Variants in KIAA1328 observed in about 807,000 individuals in gnomAD.
KIAA1328 encodes protein hinderin.
A neutral mutation model predicts 68.1 loss-of-function variants in KIAA1328; 52 were observed. The observed-to-expected ratio is 0.76, with a 90% CI of 0.61 to 0.96. The LOEUF is 0.96. Among genes scored for constraint, KIAA1328 ranks in the 40% least tolerant of loss-of-function variants. The pLI, the probability that KIAA1328 is intolerant of heterozygous loss-of-function variation, is 0.00. For missense variants in KIAA1328, 641 were observed against 677.6 expected (o/e 0.95, Z 0.60); for synonymous variants, 232 against 239.4 (o/e 0.97, Z 0.28).
At chr18:36,911,373 A>G (rs2049441463) in intron 5 of KIAA1328, among the ~76,000 whole-genome samples, 1 of 152,176 alleles carries the variant, frequency 6.6e-6, no homozygotes, top group Non-Finnish European at 1.5e-5. Flanking sequence ...AAAAGGCATG[A>G]CATTCTTTAC....
intron 8 of KIAA1328, among the ~76,000 whole-genome samples, chr18:37,167,954 G>A (rs560528432): frequency 1.3e-5 from 2 of 152,096 alleles, no homozygotes; most frequent in East Asian, 3.9e-4. Flanking sequence ...TATGAGTATG[G>A]ATGAAAATAT....
chr18:37,039,700 C>T (rs1029826181), intron 6 of KIAA1328, among the ~76,000 whole-genome samples: 3 of 152,044 alleles, frequency 2.0e-5, no homozygotes, highest in Admixed American at 6.6e-5. Flanking sequence ...CATCAGCCAC[C>T]ACACCCTGCC....
At chr18:37,044,025 A>G (rs371220297) in intron 6 of KIAA1328, among the ~76,000 whole-genome samples, 1 of 152,226 alleles carries the variant, frequency 6.6e-6, no homozygotes, top group African/African-American at 2.4e-5. Context: ...GATATCTCAG[A>G]TGTCAAACAT....
intron 7 of KIAA1328, among the ~76,000 whole-genome samples, chr18:37,144,836 G>A (rs1216291412): frequency 1.3e-5 from 2 of 152,030 alleles, no homozygotes; most frequent in African/African-American, 4.8e-5. Flanking sequence ...AGCCAGTACT[G>A]CCTCTTTATC....
chr18:36,922,163 A>C (rs1477034968), intron 5 of KIAA1328, among the ~76,000 whole-genome samples: 1 of 152,136 alleles, frequency 6.6e-6, no homozygotes, highest in Non-Finnish European at 1.5e-5. Flanking sequence ...GCAGGATAGG[A>C]ATAGCATTTA....
At chr18:37,123,671 T>C (rs2058325386) in intron 7 of KIAA1328, among the ~76,000 whole-genome samples, 1 of 152,106 alleles carries the variant, frequency 6.6e-6, no homozygotes, top group Non-Finnish European at 1.5e-5. Context: ...TTTAAAGGAT[T>C]AATAACAAAC....
chr18:36,976,850 T>C (rs1252053025), intron 6 of KIAA1328, among the ~76,000 whole-genome samples: 1 of 152,108 alleles, frequency 6.6e-6, no homozygotes, highest in African/African-American at 2.4e-5. Context: ...TAATTTAGGA[T>C]TTGGAATTTA....
At chr18:37,175,576 T>C (rs998016211) in intron 9 of KIAA1328, among the ~76,000 whole-genome samples, 1 of 152,084 alleles carries the variant, frequency 6.6e-6, no homozygotes, top group Non-Finnish European at 1.5e-5. Context: ...TACAGGTCTC[T>C]TACACGAATT....
In KIAA1328 at chr18:37,224,335, G is replaced by A. The variant is rs933360596; in HGVS notation, c.*2108G>A. The A allele has an allele frequency of 6.1e-6, 6 of 985,204 alleles. No individual in the cohort carries two copies. Among genetic ancestry groups the A allele is most frequent in the African/African-American group, 1.7e-5 (1 of 57,174 alleles). The allele number at this position is 985,204 out of a possible 1,614,324, so 61.0% of individuals were successfully genotyped here. Reference sequence around the variant, plus strand: ...GAGTCTAAACTAAAGGCTTTTTGGGGGTCACAGCCACAGAGTGGAGTTTTA... The same window carrying A: ...GAGTCTAAACTAAAGGCTTTTTGGGAGTCACAGCCACAGAGTGGAGTTTTA... On this transcript the variant is annotated 3_prime_UTR_variant, in exon 10 of 10. Transcript: ENST00000280020.
chr18:37,046,436 C>T (rs1294933732), intron 6 of KIAA1328, among the ~76,000 whole-genome samples: 1 of 152,126 alleles, frequency 6.6e-6, no homozygotes, highest in Non-Finnish European at 1.5e-5. Flanking sequence ...GCCCTGAAAT[C>T]CAAATGTTGT....
chr18:36,844,333 T>C, intron 4 of KIAA1328, 31 bp downstream of exon 4: 2 of 1,414,474 alleles, frequency 1.4e-6, no homozygotes, highest in African/African-American at 1.5e-5. Context: ...AAATGATTTA[T>C]TATACAAAAG....
At chr18:36,916,441 GTTTTTC>G (rs973782943) in intron 5 of KIAA1328, among the ~76,000 whole-genome samples, 115 of 151,912 alleles carry the variant, frequency 7.6e-4, no homozygotes, top group African/African-American at 2.6e-3. Context: ...TATTTTTATA[GTTTTTC>G]TTTTTCTGTT....
intron 2 of KIAA1328, 76 bp downstream of exon 2, chr18:36,834,431 C>A: frequency 3.9e-6 from 5 of 1,292,254 alleles, no homozygotes; most frequent in East Asian, 2.6e-5. Flanking sequence ...GCTATTAGAA[C>A]AATGTTGCGG....
chr18:36,931,382 T>G (rs920593901), intron 5 of KIAA1328, among the ~76,000 whole-genome samples: 3 of 152,004 alleles, frequency 2.0e-5, no homozygotes, highest in Non-Finnish European at 4.4e-5. Flanking sequence ...TATTGTGAAC[T>G]GTACACGCGA....
chr18:37,117,363 AC>A (rs1301899553), intron 7 of KIAA1328, among the ~76,000 whole-genome samples: 2 of 152,176 alleles, frequency 1.3e-5, no homozygotes, highest in African/African-American at 4.8e-5. Context: ...GAAGCTAGAA[AC>A]CATCATTCTG....
chr18:37,187,763 G>T (rs1328776051), intron 9 of KIAA1328, among the ~76,000 whole-genome samples: 1 of 152,090 alleles, frequency 6.6e-6, no homozygotes, highest in Admixed American at 6.5e-5. Flanking sequence ...TAAGAGCCAA[G>T]ATGGAAGCCA....
At chr18:37,063,831 A>G (rs967611579) in intron 6 of KIAA1328, among the ~76,000 whole-genome samples, 3 of 152,122 alleles carry the variant, frequency 2.0e-5, no homozygotes, top group East Asian at 1.9e-4. Context: ...ACATATGTAA[A>G]TAATGTTATG....
chr18:36,879,461 C>T (rs1313074564), intron 4 of KIAA1328, among the ~76,000 whole-genome samples: 1 of 151,188 alleles, frequency 6.6e-6, no homozygotes, highest in African/African-American at 2.5e-5. Flanking sequence ...GTCTGTCAAC[C>T]TCTGCTGGGA....
intron 9 of KIAA1328, among the ~76,000 whole-genome samples, chr18:37,209,822 A>G (rs1295311196): frequency 6.6e-6 from 1 of 152,200 alleles, no homozygotes; most frequent in Non-Finnish European, 1.5e-5. Context: ...TAAAGATATC[A>G]GGTAGCAGTT....
Sources: allele counts gnomAD v4.1 joint callset (sites outside exome capture counted in the v4.1 genomes callset), GRCh38; gene constraint gnomAD v4.1.1; transcripts MANE v1.5; gene names NCBI Gene and HGNC (gene_info 2026-07-23, HGNC 2026-07-21).